FAF2: variants seen among roughly 807,000 people sequenced by gnomAD.
FAF2 encodes the protein Fas associated factor family member 2, also known as FAS-associated factor 2.
FAF2 carries 9 observed loss-of-function variants against 62.3 expected under a neutral mutation model. The observed-to-expected ratio is 0.14, with a 90% CI of 0.09 to 0.25. FAF2 has a LOEUF of 0.25. Ranked by LOEUF, FAF2 falls within the 10% of genes least tolerant of loss-of-function variation. The pLI, the probability that FAF2 is intolerant of heterozygous loss-of-function variation, is 1.00. For missense variants in FAF2, 368 were observed against 556.2 expected, an observed-to-expected ratio of 0.66 and a Z score of 3.40; for synonymous variants, 202 against 198.0, an observed-to-expected ratio of 1.02 and a Z score of -0.17.
At chr5:176,450,797 C>T (rs1561813035) in intron 1 of FAF2, among the ~76,000 whole-genome samples, 1 of 152,260 alleles carries the variant, frequency 6.6e-6, no homozygotes, top group East Asian at 1.9e-4. Flanking sequence ...TCGTGATCCG[C>T]CCTCCTCGGC....
At position 176,495,605 on chromosome 5, in the gene FAF2, G is replaced by A. The variant is rs1275194275; in HGVS notation, c.662-881G>A. On this transcript the variant is annotated intron_variant, in intron 7 of 10. Coordinates refer to ENST00000261942, the MANE Select transcript of FAF2 (RefSeq NM_014613.3). Reference sequence around the variant, plus strand: ...CAGTTCACTGCAGCCTCCACCTCCCGGGTTCAAGCGATTCTCCTGCCTCAG... The same window carrying A: ...CAGTTCACTGCAGCCTCCACCTCCCAGGTTCAAGCGATTCTCCTGCCTCAG... Among the ~76,000 whole-genome samples the A allele has an allele frequency of 3.3e-5, 5 of 151,116 alleles. No individual in the cohort carries two copies. The East Asian group carries it at 5.8e-4, about 18-fold the overall frequency.
chr5:176,496,220 T>C (rs1755472126), intron 7 of FAF2, among the ~76,000 whole-genome samples: 1 of 152,188 alleles, frequency 6.6e-6, no homozygotes, highest in Non-Finnish European at 1.5e-5. Context: ...GGCACACTCC[T>C]GTAATCCCTG....
chr5:176,491,686 T>C (rs961172189), intron 4 of FAF2, among the ~76,000 whole-genome samples: 3 of 152,220 alleles, frequency 2.0e-5, no homozygotes, highest in Admixed American at 6.5e-5. Context: ...GTATCTCCGC[T>C]GTTCAGTATG....
intron 1 of FAF2, among the ~76,000 whole-genome samples, chr5:176,476,998 C>T (rs572365369): frequency 4.6e-5 from 7 of 151,328 alleles, no homozygotes; most frequent in East Asian, 2.0e-4. Context: ...TTTAGTGAGA[C>T]GGGGTTTCAC....
chr5:176,486,286 T>G, intron 2 of FAF2, 69 bp from the exon 3 acceptor site: 2 of 1,592,368 alleles, frequency 1.3e-6, no homozygotes, highest in Non-Finnish European at 1.7e-6. Flanking sequence ...ACGCAATAGT[T>G]GCCTCACCTC....
At position 176,496,610 on chromosome 5, in the gene FAF2, G is replaced by T; in HGVS notation, c.786G>T (p.Leu262=). The T allele has an allele frequency of 6.2e-7, 1 of 1,611,270 alleles. No individual in the cohort carries two copies. The highest frequency in any genetic ancestry group is 1.1e-5 in the South Asian group (1 of 90,820). Residue 262 remains leucine, a synonymous_variant, in exon 8 of 11, where the codon CTG becomes CTT. Coordinates refer to ENST00000261942, the MANE Select transcript of FAF2 (RefSeq NM_014613.3). ...LIQPDDLINQ[L]TFIMDANQTY... ...AACCTGATGACCTCATTAACCAACT[G>T]ACATTTATCATGGATGCTAACCAGA...
intron 1 of FAF2, among the ~76,000 whole-genome samples, chr5:176,472,250 G>A (rs1323018488): frequency 2.0e-5 from 3 of 151,660 alleles, no homozygotes; most frequent in South Asian, 2.1e-4. Flanking sequence ...GGGTTCAAGC[G>A]ATTCTCCTGC....
chr5:176,490,701 T>G (rs1758957821), intron 4 of FAF2, among the ~76,000 whole-genome samples: 1 of 152,166 alleles, frequency 6.6e-6, no homozygotes, highest in Non-Finnish European at 1.5e-5. Flanking sequence ...ACTCTTTCCA[T>G]CCCCATTTTA....
At chr5:176,455,009 A>G (rs553460957) in intron 1 of FAF2, among the ~76,000 whole-genome samples, 1 of 152,310 alleles carries the variant, frequency 6.6e-6, no homozygotes, top group South Asian at 2.1e-4. Context: ...ACCAGTGCAA[A>G]AAGAGTTTTC....
intron 10 of FAF2, among the ~76,000 whole-genome samples, chr5:176,503,129 A>G (rs1014786664): frequency 6.6e-6 from 1 of 152,240 alleles, no homozygotes; most frequent in African/African-American, 2.4e-5. Context: ...ATGCTTGGTC[A>G]TAAATGGGTC....
intron 1 of FAF2, among the ~76,000 whole-genome samples, chr5:176,449,445 CA>C (rs1758126604): frequency 6.6e-6 from 1 of 152,106 alleles, no homozygotes; most frequent in Non-Finnish European, 1.5e-5. Context: ...CGTGGTGGTG[CA>C]CGCCTGTGGT....
intron 10 of FAF2, among the ~76,000 whole-genome samples, chr5:176,501,798 A>G (rs541058268): frequency 1.1e-3 from 171 of 152,192 alleles, no homozygotes; most frequent in African/African-American, 3.5e-3. Context: ...TTGTCACCCT[A>G]GCTGGATTGC....
At chr5:176,458,413 T>C (rs1428975256) in intron 1 of FAF2, among the ~76,000 whole-genome samples, 2 of 121,588 alleles carry the variant, frequency 1.6e-5, no homozygotes, top group African/African-American at 6.8e-5. Flanking sequence ...TCTTCCTTTT[T>C]TTTTTTTTTT....
At chr5:176,448,559 C>T (rs1758108951) in intron 1 of FAF2, 89 bp downstream of exon 1, 1 of 1,320,592 alleles carries the variant, frequency 7.6e-7, no homozygotes, top group Non-Finnish European at 1.0e-6. Flanking sequence ...AGATTGGGTT[C>T]AGATCCTTCT....
rs554969922 is a variant in FAF2, at chr5:176,477,235, G to A, written c.64-1953G>A. ...GCTGAGATTACAGGCATGAGCCACC[G>A]TGCCCGGCCTTTTTTTTTTTTTTTT... On this transcript the variant is annotated intron_variant, in intron 1 of 10. Coordinates refer to ENST00000261942, the MANE Select transcript of FAF2 (RefSeq NM_014613.3). 4.9e-3 allele frequency among the ~76,000 whole-genome samples: 633 copies of A among 128,140 alleles called. 7 individuals are homozygous for A. Among genetic ancestry groups the A allele is most frequent in the African/African-American group, 0.018 (598 of 33,164 alleles). 84.1% of individuals were successfully genotyped at this position (128,140 alleles called of 152,430 possible).
chr5:176,460,511 CGCGTGTGT>C (rs1472433871), intron 1 of FAF2, among the ~76,000 whole-genome samples: 1 of 99,444 alleles, frequency 1.0e-5, no homozygotes, highest in African/African-American at 3.7e-5. Context: ...TATTTTTGGC[CGCGTGTGT>C]GTGTGTGTGT....
At chr5:176,503,765 G>C (rs1171764890) in intron 10 of FAF2, among the ~76,000 whole-genome samples, 2 of 152,170 alleles carry the variant, frequency 1.3e-5, no homozygotes, top group African/African-American at 4.8e-5. Flanking sequence ...ATGTATAAGA[G>C]ATAAAGCCCA....
At chr5:176,505,365 T>G (rs1193148327) in intron 10 of FAF2, among the ~76,000 whole-genome samples, 1 of 152,176 alleles carries the variant, frequency 6.6e-6, no homozygotes, top group Non-Finnish European at 1.5e-5. Flanking sequence ...GCCTCCCTTC[T>G]CACTAAGGAT....
intron 1 of FAF2, among the ~76,000 whole-genome samples, chr5:176,457,470 C>T (rs550897803): frequency 4.6e-5 from 7 of 152,164 alleles, no homozygotes; most frequent in African/African-American, 9.6e-5. Flanking sequence ...TGATTACAGG[C>T]GTGAGCCACT....
Sources: allele counts gnomAD v4.1 joint callset (sites outside exome capture counted in the v4.1 genomes callset), GRCh38; gene constraint gnomAD v4.1.1; transcripts MANE v1.5; gene names NCBI Gene and HGNC (gene_info 2026-07-23, HGNC 2026-07-21).